Variants in ARHGAP32 observed in about 807,000 individuals in gnomAD.
ARHGAP32 encodes rho GTPase-activating protein 32.
Under a neutral mutation model 186.5 loss-of-function variants are expected in ARHGAP32, and 51 were observed. That is an observed-to-expected ratio of 0.27 (90% confidence interval 0.22 to 0.35). ARHGAP32 has a LOEUF of 0.35. Ranked by LOEUF, ARHGAP32 falls within the 10% of genes least tolerant of loss-of-function variation. The pLI, the probability that ARHGAP32 is intolerant of heterozygous loss-of-function variation, is 1.00. For missense variants in ARHGAP32, 2,186 were observed against 2,623.5 expected (o/e 0.83, Z 3.64); for synonymous variants, 950 against 964.3 (o/e 0.99, Z 0.27).
intron 6 of ARHGAP32, among the ~76,000 whole-genome samples, chr11:129,067,286 T>TA (rs1940724764): frequency 6.6e-6 from 1 of 152,080 alleles, no homozygotes; most frequent in Admixed American, 6.6e-5. Flanking sequence ...AGATCGGAAA[T>TA]ATACTAAAAA....
chr11:129,085,495 A>G (rs1941360352), intron 6 of ARHGAP32, among the ~76,000 whole-genome samples: 1 of 152,236 alleles, frequency 6.6e-6, no homozygotes, highest in Non-Finnish European at 1.5e-5. Context: ...TTGCATGTTC[A>G]TGAATAAGAA....
At position 129,066,072 on chromosome 11, in the gene ARHGAP32, C is replaced by CA. The variant is rs572790644; in HGVS notation, c.669+658dup. Among the ~76,000 whole-genome samples, 7 of 152,262 alleles carry CA rather than the reference C, an allele frequency of 4.6e-5. No homozygotes were observed. In the South Asian group the frequency reaches 1.4e-3, roughly 32 times the overall value. On this transcript the variant is annotated intron_variant, in intron 7 of 22. Coordinates refer to ENST00000682385, the MANE Select transcript of ARHGAP32 (RefSeq NM_001378024.1). ...TGAATGTGACAGCTTCACTTTCTCT[C>CA]AGAGGATAGTAATCATCCTTCGAAA...
At chr11:129,179,999 T>C (rs7948553) in intron 1 of ARHGAP32, among the ~76,000 whole-genome samples, 43,277 of 151,934 alleles carry the variant, frequency 0.28, 6,486 homozygotes, top group Middle Eastern at 0.4. Flanking sequence ...ACATAACATG[T>C]AAATAAACAA....
intron 6 of ARHGAP32, among the ~76,000 whole-genome samples, chr11:129,086,559 C>G (rs1661967): frequency 3.9e-5 from 6 of 151,986 alleles, no homozygotes; most frequent in Admixed American, 3.9e-4. Context: ...TGGTGGCTCA[C>G]GCCTGTAATC....
chr11:129,256,962 G>A (rs983403004), intron 1 of ARHGAP32, among the ~76,000 whole-genome samples: 6 of 152,042 alleles, frequency 3.9e-5, no homozygotes, highest in Non-Finnish European at 5.9e-5. Context: ...CTAATTTCTA[G>A]GCAGGAGGAA....
intron 1 of ARHGAP32, among the ~76,000 whole-genome samples, chr11:129,236,660 T>C (rs1276007827): frequency 1.3e-5 from 2 of 152,162 alleles, no homozygotes; most frequent in Non-Finnish European, 2.9e-5. Context: ...GGATACGTCT[T>C]TAGGGTTTTC....
At chr11:129,018,442 T>C (rs988846613) in intron 11 of ARHGAP32, among the ~76,000 whole-genome samples, 1 of 152,174 alleles carries the variant, frequency 6.6e-6, no homozygotes, top group African/African-American at 2.4e-5. Flanking sequence ...CTTAAGTAAG[T>C]AGTTGAAGTG....
At position 129,186,919 on chromosome 11, in the gene ARHGAP32, T is replaced by C. The variant is rs915701506; in HGVS notation, c.116+5164A>G. Among the ~76,000 whole-genome samples the C allele has an allele frequency of 4.6e-5, 7 of 152,242 alleles. No individual in the cohort carries two copies. In the East Asian group the frequency reaches 1.4e-3, roughly 29 times the overall value. On this transcript the variant is annotated intron_variant, in intron 1 of 22. Transcript: ENST00000682385. ...AACCCTCACACATTGTTGGCAGGAA[T>C]GTAAATTAGGCAACTACTATGAAGA... is the stretch of plus-strand genomic sequence containing the variant.
chr11:129,026,495 A>G (rs1938853906), intron 11 of ARHGAP32, among the ~76,000 whole-genome samples: 1 of 152,122 alleles, frequency 6.6e-6, no homozygotes, highest in South Asian at 2.1e-4. Context: ...TCATTCTATC[A>G]TAAAAACTAC....
chr11:129,182,030 A>G (rs535528516), intron 1 of ARHGAP32, among the ~76,000 whole-genome samples: 1 of 152,288 alleles, frequency 6.6e-6, no homozygotes, highest in African/African-American at 2.4e-5. Context: ...TAGTAGGTTT[A>G]CACATTGTTG....
At chr11:129,129,601 A>G (rs1273671026) in intron 2 of ARHGAP32, among the ~76,000 whole-genome samples, 1 of 152,254 alleles carries the variant, frequency 6.6e-6, no homozygotes, top group Non-Finnish European at 1.5e-5. Flanking sequence ...AAAGGGGGAA[A>G]TATGGGGAAA....
At chr11:129,221,479 CTGTGTGTGTGTG>C (rs537808170) in intron 1 of ARHGAP32, among the ~76,000 whole-genome samples, 2,309 of 121,242 alleles carry the variant, frequency 0.019, 27 homozygotes, top group Middle Eastern at 0.029. Flanking sequence ...ATTGTCATTA[CTGTGTGTGTGTG>C]TGTGTGTGTG....
At position 129,248,218 on chromosome 11, in the gene ARHGAP32, A is replaced by T. The variant is rs1161952343; in HGVS notation, c.-5+30928T>A. On this transcript the variant is annotated intron_variant, in intron 1 of 6. Coordinates refer to the ARHGAP32 transcript ENST00000525234. ...CCCAGCTACTTGGCTGTCTCAAAAA[A>T]AAAAAAAAAAAAGGAAAGTGAAAGC... Among the ~76,000 whole-genome samples the T allele has an allele frequency of 4.1e-3, 618 of 150,020 alleles. 2 individuals are homozygous for T. The highest frequency in any genetic ancestry group is 0.013 in the African/African-American group (542 of 40,418).
intron 1 of ARHGAP32, among the ~76,000 whole-genome samples, chr11:129,205,247 C>T (rs961183781): frequency 6.6e-6 from 1 of 152,088 alleles, no homozygotes; most frequent in Non-Finnish European, 1.5e-5. Flanking sequence ...ATACAAAGTA[C>T]ATTTTCTGAT....
At chr11:129,206,242 C>CT (rs1281262601) in intron 1 of ARHGAP32, among the ~76,000 whole-genome samples, 1 of 152,142 alleles carries the variant, frequency 6.6e-6, no homozygotes. Flanking sequence ...AACATGGTCT[C>CT]ACTCTGTCAC....
chr11:128,972,134 C>T (rs999158036), intron 22 of ARHGAP32: 2 of 175,124 alleles, frequency 1.1e-5, no homozygotes, highest in Admixed American at 6.0e-5. Flanking sequence ...AAGCAACCCA[C>T]AACCGTAAAG....
At chr11:128,995,193 C>T (rs1316932116) in intron 12 of ARHGAP32, among the ~76,000 whole-genome samples, 3 of 152,088 alleles carry the variant, frequency 2.0e-5, no homozygotes, top group Non-Finnish European at 4.4e-5. Context: ...GGTTCCTACA[C>T]TGTATTCAAA....
At chr11:129,241,418 G>C (rs1945016310) in intron 1 of ARHGAP32, among the ~76,000 whole-genome samples, 1 of 152,150 alleles carries the variant, frequency 6.6e-6, no homozygotes, top group African/African-American at 2.4e-5. Flanking sequence ...CGAGGTGGGA[G>C]AATCACTCGA....
chr11:129,269,241 A>G (rs1379965815), intron 1 of ARHGAP32, among the ~76,000 whole-genome samples: 1 of 152,210 alleles, frequency 6.6e-6, no homozygotes. Flanking sequence ...ACTGCACTCC[A>G]GCCTGGGTGA....
Sources: allele counts gnomAD v4.1 joint callset (sites outside exome capture counted in the v4.1 genomes callset), GRCh38; gene constraint gnomAD v4.1.1; transcripts MANE v1.5; gene names NCBI Gene and HGNC (gene_info 2026-07-23, HGNC 2026-07-21).